NXN: variants seen among roughly 807,000 people sequenced by gnomAD.
NXN encodes the protein nucleoredoxin.
NXN carries 16 observed loss-of-function variants against 48.6 expected under a neutral mutation model. That is an observed-to-expected ratio of 0.33 (90% confidence interval 0.22 to 0.50). The LOEUF (loss-of-function observed/expected upper bound fraction) is 0.50. NXN is among the 20% of genes least tolerant of loss of function. The pLI is 0.98. For missense variants in NXN, 492 were observed against 605.5 expected (o/e 0.81, Z 1.97); for synonymous variants, 281 against 269.6 (o/e 1.04, Z -0.41).
chr17:956,676 A>G lies in NXN; in HGVS notation c.360+22643T>C, dbSNP rs2069172941. On this transcript the variant is annotated intron_variant, in intron 1 of 7. Transcript: ENST00000336868. This position sits in a 1 kb window ranked among gnomAD's most constrained non-coding sequence, Gnocchi z 4.1. ...GTGATCCGTCCACCTCAGCCTCCCA[A>G]AGTGCTGGGATTACAGGCGTGAGCC... Among the ~76,000 whole-genome samples the G allele has an allele frequency of 1.3e-5, 2 of 152,092 alleles. No individual in the cohort carries two copies. The highest frequency in any genetic ancestry group is 6.6e-5 in the Admixed American group (1 of 15,258).
At chr17:851,029 AC>A (rs1343128907) in intron 1 of NXN, among the ~76,000 whole-genome samples, 2 of 152,238 alleles carry the variant, frequency 1.3e-5, no homozygotes, top group Non-Finnish European at 2.9e-5. Context: ...GGCCTTCGGA[AC>A]AGAAACCACA....
At chr17:936,988 G>A (rs1241340695) in intron 1 of NXN, among the ~76,000 whole-genome samples, 2 of 151,716 alleles carry the variant, frequency 1.3e-5, no homozygotes, top group African/African-American at 4.8e-5. Context: ...GGATCAGCTT[G>A]ACCCCAGGAG....
chr17:891,142 G>A (rs1171190111), intron 1 of NXN, among the ~76,000 whole-genome samples: 5 of 152,092 alleles, frequency 3.3e-5, no homozygotes, highest in African/African-American at 4.8e-5. Flanking sequence ...ACAGTGGCAC[G>A]ATCACAGCTC....
At chr17:848,416 C>A (rs1005136519) in intron 1 of NXN, among the ~76,000 whole-genome samples, 1 of 152,238 alleles carries the variant, frequency 6.6e-6, no homozygotes, top group Non-Finnish European at 1.5e-5. Flanking sequence ...GTTGGGATTA[C>A]AGGCGTGAGC....
intron 1 of NXN, among the ~76,000 whole-genome samples, chr17:895,036 A>G (rs749939258): frequency 3.5e-5 from 2 of 57,568 alleles, no homozygotes; most frequent in Non-Finnish European, 6.1e-5. Context: ...TTTTTTTTTG[A>G]GACTAAATCT....
intron 1 of NXN, chr17:897,026 C>G (rs560744067): frequency 9.1e-7 from 1 of 1,094,844 alleles, no homozygotes; most frequent in Non-Finnish European, 1.1e-6. Context: ...GAAACTCCGG[C>G]GTGCCTAACA....
At chr17:861,541 G>A (rs779295622) in intron 1 of NXN, among the ~76,000 whole-genome samples, 3 of 152,182 alleles carry the variant, frequency 2.0e-5, no homozygotes, top group African/African-American at 4.8e-5. Context: ...CCACCAAAGG[G>A]AAGGAGGATT....
intron 1 of NXN, among the ~76,000 whole-genome samples, chr17:833,834 T>C (rs910789909): frequency 6.6e-6 from 1 of 152,094 alleles, no homozygotes; most frequent in Non-Finnish European, 1.5e-5. Flanking sequence ...TCCTCCAATG[T>C]AGTCAGGATC....
At chr17:857,971 CTT>C (rs57517105) in intron 1 of NXN, among the ~76,000 whole-genome samples, 38 of 140,556 alleles carry the variant, frequency 2.7e-4, no homozygotes, top group Admixed American at 3.6e-4. Context: ...AGATATAAAT[CTT>C]TTTTTTTTTT....
chr17:831,981 G>A (rs1408015889), intron 1 of NXN, among the ~76,000 whole-genome samples: 1 of 132,752 alleles, frequency 7.5e-6, no homozygotes, highest in African/African-American at 3.0e-5. Context: ...GTTCTGTGGG[G>A]CTTGGGGCTC....
chr17:892,575 T>C (rs749631512), intron 1 of NXN, among the ~76,000 whole-genome samples: 1 of 150,222 alleles, frequency 6.7e-6, no homozygotes, highest in Non-Finnish European at 1.5e-5. Context: ...GGCAAGTCAG[T>C]GTCTGCATAG....
chr17:930,157 G>C (rs1301191256), intron 1 of NXN: 1 of 151,828 alleles, frequency 6.6e-6, no homozygotes, highest in African/African-American at 2.4e-5. Context: ...ACTCAGGCTG[G>C]GTGCAGTGGC....
chr17:818,884 C>CAAAAAAAAAAA (rs1229405533), intron 5 of NXN, among the ~76,000 whole-genome samples: 3 of 140,056 alleles, frequency 2.1e-5, no homozygotes, highest in African/African-American at 8.2e-5. Context: ...GACTCCGTCT[C>CAAAAAAAAAAA]AAAAAAAAAA....
rs149004623 is a variant in NXN, at chr17:858,245, C to G, written c.361-32167G>C. 5.6e-4 allele frequency among the ~76,000 whole-genome samples: 85 copies of G among 152,224 alleles called. No homozygotes were observed. The East Asian group carries it at 0.015, about 27-fold the overall frequency. On this transcript the variant is annotated intron_variant, in intron 1 of 7. Coordinates refer to ENST00000336868, the MANE Select transcript of NXN (RefSeq NM_022463.5). ...TGTTGGCCAGGCTGGTCTTGAACTCCTGAGTTCCAGGGATCCACCCGCCTT... is the reference window on the plus strand; with the variant it reads ...TGTTGGCCAGGCTGGTCTTGAACTCGTGAGTTCCAGGGATCCACCCGCCTT...
At chr17:834,677 G>A (rs984334802) in intron 1 of NXN, among the ~76,000 whole-genome samples, 8 of 151,780 alleles carry the variant, frequency 5.3e-5, no homozygotes, top group South Asian at 4.2e-4. Context: ...CCACCACCAC[G>A]CCCGACCTAA....
At chr17:967,293 C>T (rs1017718861) in intron 1 of NXN, among the ~76,000 whole-genome samples, 2 of 152,210 alleles carry the variant, frequency 1.3e-5, no homozygotes, top group African/African-American at 4.8e-5. Context: ...GGACAGGAAG[C>T]AGGCTCAGAA....
At chr17:935,803 G>C (rs1011870675) in intron 1 of NXN, among the ~76,000 whole-genome samples, 1 of 152,010 alleles carries the variant, frequency 6.6e-6, no homozygotes, top group Non-Finnish European at 1.5e-5. Context: ...AATAAAACCT[G>C]CAGCCTAGGC....
intron 1 of NXN, among the ~76,000 whole-genome samples, chr17:828,720 G>A (rs1426218162): frequency 6.6e-6 from 1 of 152,022 alleles, no homozygotes; most frequent in South Asian, 2.1e-4. Context: ...TAAATTCCAC[G>A]ATGGCATCAT....
intron 1 of NXN, among the ~76,000 whole-genome samples, chr17:967,145 T>G (rs2069315456): frequency 7.8e-6 from 1 of 127,488 alleles, no homozygotes; most frequent in East Asian, 1.9e-4. Context: ...TCCACCTGGC[T>G]TGGGACCCCA....
Sources: allele counts gnomAD v4.1 joint callset (sites outside exome capture counted in the v4.1 genomes callset), GRCh38; gene constraint gnomAD v4.1.1; non-coding constraint Gnocchi (gnomAD v3.1); transcripts MANE v1.5; gene names NCBI Gene and HGNC (gene_info 2026-07-23, HGNC 2026-07-21).